Variants in ANKRD30A observed in about 807,000 individuals in gnomAD.
ANKRD30A encodes ankyrin repeat domain 30A.
Under a neutral mutation model 166.3 loss-of-function variants are expected in ANKRD30A, and 170 were observed. That is an observed-to-expected ratio of 1.02 (90% confidence interval 0.90 to 1.16). The LOEUF (loss-of-function observed/expected upper bound fraction) is 1.16. Ranked by LOEUF, ANKRD30A falls within the 50% of genes most tolerant of loss-of-function variation. The pLI is 0.00. For synonymous variants in ANKRD30A, 564 were observed against 508.9 expected (o/e 1.11, Z -1.46); for missense variants, 1,630 against 1,518.0 (o/e 1.07, Z -1.23).
intron 34 of ANKRD30A, among the ~76,000 whole-genome samples, chr10:37,224,566 T>G (rs942157035): frequency 2.0e-5 from 3 of 151,218 alleles, no homozygotes; most frequent in Non-Finnish European, 4.4e-5. Context: ...AGTAATTGTG[T>G]TTTTGCCACT....
chr10:37,192,687 C>T (rs1019004979), intron 25 of ANKRD30A, among the ~76,000 whole-genome samples: 1 of 151,994 alleles, frequency 6.6e-6, no homozygotes, highest in South Asian at 2.1e-4. Context: ...CTCCCATTAG[C>T]TTAGTCATTT....
At position 37,162,672 on chromosome 10, in the gene ANKRD30A, T is replaced by A. The variant is rs1839019324; in HGVS notation, c.1924T>A (p.Phe642Ile). 6.2e-7 allele frequency: 1 copy of A among 1,612,420 alleles called. No individual in the cohort carries two copies. The highest frequency in any genetic ancestry group is 8.5e-7 in the Non-Finnish European group (1 of 1,179,812). Residue 642 changes from phenylalanine (F) to isoleucine (I), a missense_variant, in exon 16 of 36, where the codon TTC (phenylalanine) becomes ATC (isoleucine). Coordinates refer to ENST00000361713, the MANE Select transcript of ANKRD30A (RefSeq NM_052997.3). ...AGAGCCTCCGGGGAAGCCATCTGCC[T>A]TCGAGGTATTTAGTTTTATGATTTC... ...KAEPPGKPSA[F>I]EPATEMQKSV... is the part of the protein sequence containing the mutation.
chr10:37,227,808 A>T (rs1843230118), intron 34 of ANKRD30A, among the ~76,000 whole-genome samples: 1 of 151,948 alleles, frequency 6.6e-6, no homozygotes, highest in Admixed American at 6.6e-5. Context: ...TATTTCATGC[A>T]TTAGGTTCTA....
intron 6 of ANKRD30A, 146 bp from the exon 7 acceptor site, chr10:37,141,572 C>CAAAAAAAAAAAAA (rs909714989): frequency 1.6e-6 from 1 of 627,368 alleles, no homozygotes; most frequent in Non-Finnish European, 2.2e-6. Flanking sequence ...GACTCTGTCT[C>CAAAAAAAAAAAAA]AAAAAAAAAA....
At chr10:37,208,559 G>C (rs534801116) in intron 31 of ANKRD30A, among the ~76,000 whole-genome samples, 78 of 152,202 alleles carry the variant, frequency 5.1e-4, no homozygotes, top group African/African-American at 1.9e-3. Context: ...AATGATGTAG[G>C]CTTCTTGAGA....
At chr10:37,183,228 C>T (rs1353724644) in intron 24 of ANKRD30A, among the ~76,000 whole-genome samples, 1 of 148,552 alleles carries the variant, frequency 6.7e-6, no homozygotes, top group Non-Finnish European at 1.5e-5. Context: ...AACTGTTACT[C>T]ATTAACCATG....
At chr10:37,243,298 CTTT>C in the ANKRD30A span, among the ~76,000 whole-genome samples, 9 of 137,650 alleles carry the variant, frequency 6.5e-5, no homozygotes, top group South Asian at 2.3e-4. Flanking sequence ...CCACGCCCAC[CTTT>C]TTTTTTTTTT....
rs1182514259 is a variant in ANKRD30A, at chr10:37,193,261, A to G, written c.2614+3A>G. 11 of 1,605,588 alleles carry G rather than the reference A, an allele frequency of 6.9e-6. No individual in the cohort carries two copies. The highest frequency in any genetic ancestry group is 1.3e-5 in the African/African-American group (1 of 74,332). On this transcript the variant is annotated splice_donor_region_variant and intron_variant, in intron 27 of 35. Transcript: ENST00000361713. ...GGACATGCAAACTTTCAAAGCAGGT[A>G]AATTTTGTAATTTTAATTTTACTCT...
At chr10:37,151,011 T>C (rs1463846129) in intron 11 of ANKRD30A, among the ~76,000 whole-genome samples, 1 of 134,912 alleles carries the variant, frequency 7.4e-6, no homozygotes, top group Non-Finnish European at 1.6e-5. Context: ...CTTACCAAAG[T>C]GTGATTTGAG....
chr10:37,133,623 G>T (rs1382498007), intron 4 of ANKRD30A, among the ~76,000 whole-genome samples: 2 of 152,138 alleles, frequency 1.3e-5, no homozygotes, highest in Non-Finnish European at 2.9e-5. Flanking sequence ...GACTAAGGAA[G>T]AAATAGATAA....
At chr10:37,171,552 T>G (rs1440522467) in intron 21 of ANKRD30A, among the ~76,000 whole-genome samples, 2 of 151,650 alleles carry the variant, frequency 1.3e-5, no homozygotes, top group African/African-American at 2.4e-5. Context: ...TGGCCCCCGG[T>G]GTATTTGTTG....
chr10:37,125,784 A>G lies in ANKRD30A; in HGVS notation c.-4A>G. On this transcript the variant is annotated 5_prime_UTR_variant, in exon 1 of 36. Transcript: ENST00000361713. ...CGGGCACTCTCTAGCAGGTGGCCGC[A>G]GCCATGGAGGAGATCTCTGCCGCCG... 1 of 649,156 alleles carries G rather than the reference A, an allele frequency of 1.5e-6. No individual in the cohort carries two copies. Among genetic ancestry groups the G allele is most frequent in the South Asian group, 1.9e-5 (1 of 53,102 alleles). 40.2% of individuals were successfully genotyped at this position (649,156 alleles called of 1,614,324 possible).
At chr10:37,244,896 A>G in the ANKRD30A span, among the ~76,000 whole-genome samples, 40 of 152,098 alleles carry the variant, frequency 2.6e-4, no homozygotes, top group South Asian at 4.2e-3. Flanking sequence ...CCAGGCCCCA[A>G]CTCCTCACTC....
the ANKRD30A span, among the ~76,000 whole-genome samples, chr10:37,256,595 ACATAAAAGAAGAAT>A: frequency 6.6e-6 from 1 of 152,252 alleles, no homozygotes; most frequent in Non-Finnish European, 1.5e-5. Context: ...TTTATTGAGT[ACATAAAAGAAGAAT>A]CTTATTCATT....
intron 15 of ANKRD30A, among the ~76,000 whole-genome samples, chr10:37,161,740 T>A (rs893795842): frequency 1.3e-5 from 2 of 152,188 alleles, no homozygotes; most frequent in Admixed American, 6.5e-5. Context: ...TGCTGTTCGC[T>A]ATACAAATGA....
At chr10:37,232,689 T>G (rs1212090143), downstream of ANKRD30A, 223 of 4,888 alleles carry the variant, frequency 0.046, 4 homozygotes, top group African/African-American at 0.064. Flanking sequence ...TATATATATA[T>G]ATATAAATAG....
At chr10:37,161,656 A>T (rs1278338752) in intron 15 of ANKRD30A, among the ~76,000 whole-genome samples, 1 of 152,122 alleles carries the variant, frequency 6.6e-6, no homozygotes, top group Non-Finnish European at 1.5e-5. Context: ...CAGGAGTCCT[A>T]CTAGAATTGG....
chr10:37,207,193 T>C (rs565369597), intron 31 of ANKRD30A, among the ~76,000 whole-genome samples: 1 of 152,270 alleles, frequency 6.6e-6, no homozygotes, highest in South Asian at 2.1e-4. Flanking sequence ...ATAAATTCAT[T>C]ATACTTTCGT....
the ANKRD30A span, among the ~76,000 whole-genome samples, chr10:37,255,439 T>G: frequency 6.6e-6 from 1 of 152,234 alleles, no homozygotes; most frequent in Middle Eastern, 3.2e-3. Context: ...TTTATGGTTT[T>G]GGTTCTATGA....
Sources: gnomAD v4.1 joint callset for allele counts (sites outside exome capture counted in the v4.1 genomes callset) on GRCh38, gnomAD v4.1.1 for gene constraint, MANE v1.5 for transcripts, NCBI Gene and HGNC (gene_info 2026-07-23, HGNC 2026-07-21) for gene names.